The following SPINT2 variants were observed in gnomAD, a reference collection of about 807,000 sequenced individuals.
SPINT2 encodes the protein serine peptidase inhibitor, Kunitz type 2, also known as kunitz-type protease inhibitor 2.
In SPINT2, 18 loss-of-function variants were observed where a neutral mutation model predicts 30.1. The observed-to-expected ratio is 0.60, with a 90% CI of 0.41 to 0.89. The LOEUF is 0.89. Ranked by LOEUF, SPINT2 falls within the 40% of genes least tolerant of loss-of-function variation. SPINT2 has a pLI of 0.00. For missense variants in SPINT2, 276 were observed against 334.3 expected, an observed-to-expected ratio of 0.83 and a Z score of 1.36; for synonymous variants, 139 against 137.9, an observed-to-expected ratio of 1.01 and a Z score of -0.05.
At chr19:38,288,430 T>C (rs953796972) in intron 3 of SPINT2, 14 of 261,608 alleles carry the variant, frequency 5.4e-5, no homozygotes, top group Non-Finnish European at 9.9e-5. Context: ...GCTTGCTTTG[T>C]AGTGCTGGCG....
intron 4 of SPINT2, chr19:38,289,772 C>T (rs188250544): frequency 3.5e-5 from 13 of 376,488 alleles, no homozygotes; most frequent in African/African-American, 1.0e-4. Flanking sequence ...CTGAACCTCT[C>T]GCCAGCGGCT....
chr19:38,292,254 T>C lies in SPINT2; in HGVS notation c.*248T>C. Reference sequence around the variant, plus strand: ...TTTCCTCGCTGATCGATTTCTTTCCTCCAGGTAGAGTTTTCTTTGCTTATG... The same window carrying C: ...TTTCCTCGCTGATCGATTTCTTTCCCCCAGGTAGAGTTTTCTTTGCTTATG... On this transcript the variant is annotated 3_prime_UTR_variant, in exon 7 of 7. Coordinates refer to ENST00000301244, the MANE Select transcript of SPINT2 (RefSeq NM_021102.4). The C allele has an allele frequency of 2.1e-6, 1 of 480,378 alleles. No homozygotes were observed. The highest frequency in any genetic ancestry group is 3.6e-5 in the East Asian group (1 of 28,006). The allele number at this position is 480,378 out of a possible 1,614,324, so 29.8% of individuals were successfully genotyped here. A position where few individuals can be genotyped will look rare whatever the true frequency, so the allele number is the denominator to read the frequency against.
chr19:38,280,991 C>T (rs141186050), intron 1 of SPINT2, among the ~76,000 whole-genome samples: 1,785 of 152,284 alleles, frequency 0.012, 16 homozygotes, highest in Middle Eastern at 0.024. Context: ...AGGCTGCTGG[C>T]GCCTCTGTAG....
At chr19:38,269,634 A>G (rs746470917) in intron 1 of SPINT2, among the ~76,000 whole-genome samples, 5 of 118,368 alleles carry the variant, frequency 4.2e-5, no homozygotes, top group African/African-American at 1.0e-4. Context: ...TTTGAGACGG[A>G]GTGTCTCGCT....
At position 38,286,671 on chromosome 19, in the gene SPINT2, T is replaced by C. The variant is rs186564692; in HGVS notation, c.278-1205T>C. ...GGTGGCGGGCGCCTGTGGTCCCAGC[T>C]ACTCCAGAGGCTGAGGCAGGAGAAT... On this transcript the variant is annotated intron_variant, in intron 2 of 6. Transcript: ENST00000301244. 2.3e-3 allele frequency among the ~76,000 whole-genome samples: 357 copies of C among 152,266 alleles called. 3 individuals carry two copies. Among genetic ancestry groups the C allele is most frequent in the African/African-American group, 7.9e-3 (327 of 41,564 alleles).
At chr19:38,270,471 G>A (rs934287559) in intron 1 of SPINT2, among the ~76,000 whole-genome samples, 6 of 152,186 alleles carry the variant, frequency 3.9e-5, no homozygotes, top group South Asian at 2.1e-4. Context: ...CGTGGCAGAC[G>A]TGTCATAATG....
At chr19:38,288,706 A>G in intron 3 of SPINT2, 1 of 226,272 alleles carries the variant, frequency 4.4e-6, no homozygotes, top group South Asian at 6.0e-5. Context: ...TAGGGTGGTC[A>G]CTTTCCAGCT....
chr19:38,291,675 C>G, intron 6 of SPINT2, 165 bp from the exon 7 acceptor site: 2 of 798,324 alleles, frequency 2.5e-6, no homozygotes, highest in Non-Finnish European at 3.9e-6. Context: ...GCATCTCTGG[C>G]AGGCTGTGTC....
At chr19:38,283,525 C>G in intron 1 of SPINT2, 102 bp from the exon 2 acceptor site, 1 of 1,481,752 alleles carries the variant, frequency 6.7e-7, no homozygotes. Context: ...TGCTGGAACT[C>G]AAGGCTCTGG....
chr19:38,282,936 C>A (rs1246485724), intron 1 of SPINT2, among the ~76,000 whole-genome samples: 1 of 152,164 alleles, frequency 6.6e-6, no homozygotes, highest in Non-Finnish European at 1.5e-5. Context: ...ACCTTTCAGC[C>A]CTAAGCTCCC....
At chr19:38,279,208 T>A (rs1285149061) in intron 1 of SPINT2, among the ~76,000 whole-genome samples, 1 of 121,280 alleles carries the variant, frequency 8.2e-6, no homozygotes, top group East Asian at 4.8e-4. Context: ...AAAAAAAAAT[T>A]TTTTTTTTGG....
chr19:38,281,508 G>T (rs188428367), intron 1 of SPINT2, among the ~76,000 whole-genome samples: 1 of 152,010 alleles, frequency 6.6e-6, no homozygotes, highest in East Asian at 1.9e-4. Flanking sequence ...TCAGAAGTTC[G>T]AGACCAGCCT....
chr19:38,279,547 A>G (rs990167163), intron 1 of SPINT2, among the ~76,000 whole-genome samples: 6 of 152,198 alleles, frequency 3.9e-5, no homozygotes, highest in African/African-American at 7.2e-5. Flanking sequence ...GCAGTGACAC[A>G]TTTTGTAAAC....
intron 1 of SPINT2, among the ~76,000 whole-genome samples, chr19:38,266,109 TCCAGTTGCAGGCAATAGAGTACAAA>T (rs1041839865): frequency 2.0e-5 from 3 of 152,116 alleles, no homozygotes; most frequent in Non-Finnish European, 4.4e-5. Context: ...GGGACCAGTG[TCCAGTTGCAGGCAATAGAGTACAAA>T]GGCCTTGAAG....
rs749123119 is a variant in SPINT2 at position 38,292,017 on chromosome 19, G to T, written c.*11G>T. 1.2e-6 allele frequency: 2 copies of T among 1,613,676 alleles called. No individual in the cohort carries two copies. The highest frequency in any genetic ancestry group is 8.5e-7 in the Non-Finnish European group (1 of 1,179,890). ...ACATATGTCCTGTGACCGCCCTGTCGCCAAGAGGACTGGGGAAGGGAGGGG... is the reference window on the plus strand; with the variant it reads ...ACATATGTCCTGTGACCGCCCTGTCTCCAAGAGGACTGGGGAAGGGAGGGG... On this transcript the variant is annotated 3_prime_UTR_variant, in exon 7 of 7. Transcript: ENST00000301244.
chr19:38,273,311 A>G (rs989056479), intron 1 of SPINT2, among the ~76,000 whole-genome samples: 10 of 152,214 alleles, frequency 6.6e-5, no homozygotes, highest in Non-Finnish European at 1.0e-4. Context: ...AGGTAGATTT[A>G]TAGATCATCT....
chr19:38,288,934 G>A (rs1968676420), intron 3 of SPINT2: 2 of 581,472 alleles, frequency 3.4e-6, no homozygotes, highest in Admixed American at 3.0e-5. Flanking sequence ...GGTGGCGGCA[G>A]GGCCACCACA....
chr19:38,272,005 C>A (rs1381507680), intron 1 of SPINT2, among the ~76,000 whole-genome samples: 1 of 152,074 alleles, frequency 6.6e-6, no homozygotes, highest in Admixed American at 6.6e-5. Flanking sequence ...CTTTGGGGGG[C>A]TGAGGCAGGT....
At chr19:38,288,046 C>T in intron 3 of SPINT2, 111 bp downstream of exon 3, 2 of 1,387,348 alleles carry the variant, frequency 1.4e-6, no homozygotes, top group Non-Finnish European at 2.0e-6. Context: ...GTTCTGTTTA[C>T]TCAAAATTGG....
Sources: gnomAD v4.1 joint callset for allele counts (sites outside exome capture counted in the v4.1 genomes callset) on GRCh38, gnomAD v4.1.1 for gene constraint, MANE v1.5 for transcripts, NCBI Gene and HGNC (gene_info 2026-07-23, HGNC 2026-07-21) for gene names.